The following CSMD1 variants were observed in gnomAD, a reference collection of about 807,000 sequenced individuals.
CSMD1 encodes the protein CUB and sushi domain-containing protein 1.
CSMD1 carries 213 observed loss-of-function variants against 417.5 expected under a neutral mutation model. The observed-to-expected ratio is 0.51, with a 90% CI of 0.46 to 0.57. CSMD1 has a LOEUF of 0.57. CSMD1 is among the 20% of genes least tolerant of loss of function. The pLI is 0.00. For synonymous variants in CSMD1, 2,862 were observed against 1,736.8 expected (o/e 1.65, Z -16.11); for missense variants, 6,923 against 4,529.7 (o/e 1.53, Z -15.17).
intron 5 of CSMD1, among the ~76,000 whole-genome samples, chr8:3,881,554 A>G (rs1585133622): frequency 6.6e-6 from 1 of 150,696 alleles, no homozygotes; most frequent in East Asian, 1.9e-4. Context: ...GCATTGAGCC[A>G]AGATGGAGCC....
At chr8:3,882,264 G>C (rs1040075631) in intron 5 of CSMD1, among the ~76,000 whole-genome samples, 6 of 152,012 alleles carry the variant, frequency 3.9e-5, no homozygotes, top group Admixed American at 3.3e-4. Flanking sequence ...ATTAGAAAAA[G>C]ACACCAAATC....
At chr8:3,229,439 A>T (rs1317794982) in intron 27 of CSMD1, among the ~76,000 whole-genome samples, 1 of 152,200 alleles carries the variant, frequency 6.6e-6, no homozygotes, top group South Asian at 2.1e-4. Flanking sequence ...GCCTACAAAC[A>T]TATTTGTGAT....
intron 2 of CSMD1, among the ~76,000 whole-genome samples, chr8:4,540,977 A>G (rs1797354117): frequency 6.6e-6 from 1 of 152,184 alleles, no homozygotes; most frequent in Admixed American, 6.5e-5. Flanking sequence ...GCACAGGTAA[A>G]GGGTCTGAAA....
intron 20 of CSMD1, 74 bp downstream of exon 20, chr8:3,366,958 C>T (rs549921795): frequency 4.5e-6 from 5 of 1,114,368 alleles, no homozygotes; most frequent in South Asian, 1.3e-5. Context: ...ACACACACAC[C>T]CACACACATT....
chr8:3,060,045 C>G (rs546372159), intron 49 of CSMD1, among the ~76,000 whole-genome samples: 3 of 152,064 alleles, frequency 2.0e-5, no homozygotes, highest in Non-Finnish European at 4.4e-5. Flanking sequence ...TAACATTTAC[C>G]GCAAACTGGA....
chr8:4,095,516 C>T (rs766005929), intron 3 of CSMD1, among the ~76,000 whole-genome samples: 1 of 152,024 alleles, frequency 6.6e-6, no homozygotes, highest in East Asian at 1.9e-4. Context: ...AAAGAATGTC[C>T]CCACTAGTAT....
At chr8:4,329,829 G>C (rs1020222559) in intron 3 of CSMD1, among the ~76,000 whole-genome samples, 1 of 147,374 alleles carries the variant, frequency 6.8e-6, no homozygotes, top group South Asian at 2.2e-4. Context: ...AATTAAAAAA[G>C]TGTGTGGCAC....
At chr8:3,121,003 T>C (rs980778945) in intron 41 of CSMD1, among the ~76,000 whole-genome samples, 1 of 152,120 alleles carries the variant, frequency 6.6e-6, no homozygotes, top group African/African-American at 2.4e-5. Flanking sequence ...GAAATCTCTA[T>C]TATGAGCATA....
At chr8:4,158,520 A>G (rs1796966031) in intron 3 of CSMD1, among the ~76,000 whole-genome samples, 1 of 152,126 alleles carries the variant, frequency 6.6e-6, no homozygotes, top group African/African-American at 2.4e-5. Flanking sequence ...ACTCCCAAAG[A>G]AACAGTAATA....
rs529750885 is a variant in CSMD1, at chr8:3,417,216, A to G, written c.1562-7611T>C. Among the ~76,000 whole-genome samples, 4 of 152,332 alleles carry G rather than the reference A, an allele frequency of 2.6e-5. No individual in the cohort carries two copies. The South Asian group carries it at 8.3e-4, about 32-fold the overall frequency. On this transcript the variant is annotated intron_variant, in intron 12 of 69. Coordinates refer to ENST00000635120, the MANE Select transcript of CSMD1 (RefSeq NM_033225.6). ...ATCACAAAATAGATGTACTATGATGATGTTCCATAAATAAGAGGGACCTTT... is the reference window on the plus strand; with the variant it reads ...ATCACAAAATAGATGTACTATGATGGTGTTCCATAAATAAGAGGGACCTTT...
intron 1 of CSMD1, among the ~76,000 whole-genome samples, chr8:4,807,711 C>G (rs569551945): frequency 1.4e-3 from 207 of 152,178 alleles, no homozygotes; most frequent in Non-Finnish European, 2.6e-3. Context: ...ATATGTTAAA[C>G]TGAATAAAAA....
chr8:3,263,325 C>A (rs1008592287), intron 26 of CSMD1, among the ~76,000 whole-genome samples: 3 of 152,212 alleles, frequency 2.0e-5, no homozygotes, highest in Admixed American at 1.3e-4. Flanking sequence ...TCTCGAACTC[C>A]TGGCCTCAAG....
chr8:4,107,288 G>A (rs935700163), intron 3 of CSMD1, among the ~76,000 whole-genome samples: 1 of 152,212 alleles, frequency 6.6e-6, no homozygotes, highest in South Asian at 2.1e-4. Flanking sequence ...TCAACACGCT[G>A]CACTGCCTCA....
chr8:4,888,250 G>T (rs868547828), intron 1 of CSMD1, among the ~76,000 whole-genome samples: 4 of 151,890 alleles, frequency 2.6e-5, no homozygotes, highest in East Asian at 3.9e-4. Context: ...TTTAGGAATC[G>T]ATAAGGAGTA....
intron 3 of CSMD1, among the ~76,000 whole-genome samples, chr8:4,368,169 C>A (rs1802195967): frequency 6.6e-6 from 1 of 152,100 alleles, no homozygotes; most frequent in Admixed American, 6.6e-5. Context: ...TATATTCCTT[C>A]AATGCCTAAT....
chr8:3,298,948 A>G (rs983438270), intron 25 of CSMD1, among the ~76,000 whole-genome samples: 5 of 152,140 alleles, frequency 3.3e-5, no homozygotes, highest in Admixed American at 6.5e-5. Context: ...TTTTTATGCT[A>G]TATGCTAATG....
intron 4 of CSMD1, among the ~76,000 whole-genome samples, chr8:4,007,594 G>C (rs185633464): frequency 8.0e-4 from 122 of 152,272 alleles, no homozygotes; most frequent in Middle Eastern, 3.4e-3. Context: ...GCAAAGCAAT[G>C]GAATGCAAGC....
intron 2 of CSMD1, among the ~76,000 whole-genome samples, chr8:4,563,530 A>G (rs1263388600): frequency 1.3e-5 from 2 of 152,134 alleles, no homozygotes; most frequent in Admixed American, 1.3e-4. Context: ...CCACGCACTG[A>G]TACTCCTCAC....
chr8:3,233,430 C>T (rs112619170), intron 26 of CSMD1, among the ~76,000 whole-genome samples: 16 of 152,164 alleles, frequency 1.1e-4, no homozygotes, highest in Non-Finnish European at 1.9e-4. Context: ...TCTCAGCCAG[C>T]ATATTTGTGA....
Sources: gnomAD v4.1 joint callset for allele counts (sites outside exome capture counted in the v4.1 genomes callset) on GRCh38, gnomAD v4.1.1 for gene constraint, MANE v1.5 for transcripts, NCBI Gene and HGNC (gene_info 2026-07-23, HGNC 2026-07-21) for gene names.